The following TAOK3 variants were observed in gnomAD, a reference collection of about 807,000 sequenced individuals.
TAOK3 encodes TAO kinase 3.
Under a neutral mutation model 120.4 loss-of-function variants are expected in TAOK3, and 40 were observed. The ratio of observed to expected loss-of-function variants is 0.33; its 90% confidence interval spans 0.26 to 0.43. The LOEUF is 0.43. Among genes scored for constraint, TAOK3 ranks in the 20% least tolerant of loss-of-function variants. The pLI, the probability that TAOK3 is intolerant of heterozygous loss-of-function variation, is 1.00. For missense variants in TAOK3, 821 were observed against 1,112.1 expected (o/e 0.74, Z 3.72); for synonymous variants, 355 against 387.5 (o/e 0.92, Z 0.99).
intron 9 of TAOK3, among the ~76,000 whole-genome samples, chr12:118,223,302 G>A (rs1265913459): frequency 1.7e-4 from 25 of 149,724 alleles, no homozygotes; most frequent in African/African-American, 5.9e-4. Context: ...CTCGTGATCC[G>A]CCCGCCTCGG....
intron 19 of TAOK3, among the ~76,000 whole-genome samples, chr12:118,154,734 C>A (rs1190486920): frequency 6.6e-6 from 1 of 152,088 alleles, no homozygotes; most frequent in Non-Finnish European, 1.5e-5. Flanking sequence ...AGCCACCGTG[C>A]CCAGCTCCAT....
At chr12:118,286,711 G>T (rs770905688) in intron 1 of TAOK3, among the ~76,000 whole-genome samples, 11 of 152,126 alleles carry the variant, frequency 7.2e-5, no homozygotes, top group Non-Finnish European at 1.2e-4. Context: ...CAGCAATCCT[G>T]GTACTGGTTA....
Position 118,347,979 on chromosome 12 carries a change from T to C in TAOK3, c.-194+24669A>G, listed in dbSNP as rs1469525406. On this transcript the variant is annotated intron_variant, in intron 1 of 20. Transcript: ENST00000392533. ...TCAAATATCTTAAATGGTTCCTCACTATCTACTGTTCAAAGTTCAAACCTC... is the reference window on the plus strand; with the variant it reads ...TCAAATATCTTAAATGGTTCCTCACCATCTACTGTTCAAAGTTCAAACCTC... Among the ~76,000 whole-genome samples the C allele has an allele frequency of 2.6e-5, 4 of 152,252 alleles. No homozygotes were observed. In the East Asian group the frequency reaches 7.7e-4, roughly 29 times the overall value.
chr12:118,154,816 A>G (rs1440644904), intron 19 of TAOK3, among the ~76,000 whole-genome samples: 2 of 152,112 alleles, frequency 1.3e-5, no homozygotes, highest in Non-Finnish European at 2.9e-5. Flanking sequence ...ATACGATAAG[A>G]GGCAACATAA....
chr12:118,254,372 GGCATATA>G (rs2140141710), intron 3 of TAOK3, among the ~76,000 whole-genome samples: 1 of 152,112 alleles, frequency 6.6e-6, no homozygotes, highest in East Asian at 1.9e-4. Context: ...ACTACTGTCA[GGCATATA>G]CTAGTTCTTG....
At chr12:118,297,389 C>T (rs1268048451) in intron 1 of TAOK3, among the ~76,000 whole-genome samples, 2 of 152,170 alleles carry the variant, frequency 1.3e-5, no homozygotes, top group Non-Finnish European at 2.9e-5. Flanking sequence ...TTCTCTGCTA[C>T]TTTTTGTTGT....
At chr12:118,219,404 G>T (rs866521399) in intron 9 of TAOK3, among the ~76,000 whole-genome samples, 1 of 151,624 alleles carries the variant, frequency 6.6e-6, no homozygotes, top group Non-Finnish European at 1.5e-5. Flanking sequence ...GCTAATTCTC[G>T]ACAATCCTTT....
At chr12:118,323,750 T>A (rs1295268208) in intron 1 of TAOK3, among the ~76,000 whole-genome samples, 2 of 152,214 alleles carry the variant, frequency 1.3e-5, no homozygotes, top group African/African-American at 4.8e-5. Flanking sequence ...AGAAATGATA[T>A]GCATATAATC....
intron 9 of TAOK3, among the ~76,000 whole-genome samples, chr12:118,228,192 G>A (rs901085906): frequency 1.1e-4 from 16 of 139,302 alleles, no homozygotes; most frequent in South Asian, 2.2e-4. Context: ...TGCTCTTGTC[G>A]TCCAGCTGGA....
chr12:118,226,074 T>C (rs1190728524), intron 9 of TAOK3, among the ~76,000 whole-genome samples: 1 of 152,160 alleles, frequency 6.6e-6, no homozygotes, highest in Non-Finnish European at 1.5e-5. Context: ...ACTCCGTCTC[T>C]ACTAAAAATA....
rs761134529 is a variant in TAOK3, at chr12:118,151,278, TGCGC to T, written c.2536-124_2536-121del. On this transcript the variant is annotated intron_variant, in intron 20 of 20. Transcript: ENST00000392533. ...CACACACATAGGCACACACATGAAG[TGCGC>T]GCGCGCGCACACACACACACACACA... The T allele has an allele frequency of 1.3e-3, 822 of 631,188 alleles. 15 individuals carry two copies. Among genetic ancestry groups the T allele is most frequent in the South Asian group, 3.5e-3 (137 of 38,960 alleles). The allele number at this position is 631,188 out of a possible 1,614,324, so 39.1% of individuals were successfully genotyped here.
At chr12:118,216,928 C>CAAAAAA (rs11298822) in intron 9 of TAOK3, among the ~76,000 whole-genome samples, 111 of 89,452 alleles carry the variant, frequency 1.2e-3, no homozygotes, top group Non-Finnish European at 1.5e-3. Context: ...GACTCCATCT[C>CAAAAAA]AAAAAAAAAA....
Position 118,307,417 on chromosome 12 carries a change from C to T in TAOK3, c.-193-40658G>A, listed in dbSNP as rs181280048. Among the ~76,000 whole-genome samples, 451 of 152,260 alleles carry T rather than the reference C, an allele frequency of 3.0e-3. 8 individuals are homozygous for T. Among genetic ancestry groups the T allele is most frequent in the Middle Eastern group, 6.8e-3 (2 of 294 alleles). On this transcript the variant is annotated intron_variant, in intron 1 of 20. Coordinates refer to ENST00000392533, the MANE Select transcript of TAOK3 (RefSeq NM_016281.4). ...GTGTCCTCCTTCTTCCCTGACTCCC[C>T]CTCCCACCCTCACATCTTCTCCTCT...
At chr12:118,245,983 A>C (rs1213539963) in intron 3 of TAOK3, 1 of 558,272 alleles carries the variant, frequency 1.8e-6, no homozygotes, top group African/African-American at 2.0e-5. Flanking sequence ...GGTCAAAAAC[A>C]AGCTATAAAG....
chr12:118,312,169 G>A (rs569712411), intron 1 of TAOK3, among the ~76,000 whole-genome samples: 1 of 152,076 alleles, frequency 6.6e-6, no homozygotes, highest in African/African-American at 2.4e-5. Flanking sequence ...TTCTACAAAT[G>A]AAAATAAACT....
intron 1 of TAOK3, among the ~76,000 whole-genome samples, chr12:118,360,557 G>A (rs2045562219): frequency 8.3e-6 from 1 of 120,322 alleles, no homozygotes; most frequent in African/African-American, 3.2e-5. Context: ...GACACAGCGA[G>A]ACTCCGTCTC....
At chr12:118,216,845 C>T (rs11068872) in intron 9 of TAOK3, among the ~76,000 whole-genome samples, 8,023 of 148,312 alleles carry the variant, frequency 0.054, 420 homozygotes, top group East Asian at 0.24. Flanking sequence ...AGGAGAATGG[C>T]GTGAACCCAG....
intron 1 of TAOK3, among the ~76,000 whole-genome samples, chr12:118,369,581 T>C (rs1349325749): frequency 1.3e-5 from 2 of 152,228 alleles, no homozygotes; most frequent in Non-Finnish European, 2.9e-5. Context: ...TGCTCAAATA[T>C]TTCTATTACT....
intron 1 of TAOK3, among the ~76,000 whole-genome samples, chr12:118,335,308 T>C (rs2044322273): frequency 6.6e-6 from 1 of 152,130 alleles, no homozygotes; most frequent in Non-Finnish European, 1.5e-5. Flanking sequence ...AATACAGATC[T>C]TGAAGCTATT....
Sources: gnomAD v4.1 joint callset for allele counts (sites outside exome capture counted in the v4.1 genomes callset) on GRCh38, gnomAD v4.1.1 for gene constraint, MANE v1.5 for transcripts, NCBI Gene and HGNC (gene_info 2026-07-23, HGNC 2026-07-21) for gene names.